The following ATP11A variants were observed in gnomAD, a reference collection of about 807,000 sequenced individuals.
The protein encoded by ATP11A is phospholipid-transporting ATPase IH.
ATP11A carries 81 observed loss-of-function variants against 154.4 expected under a neutral mutation model. The observed-to-expected ratio is 0.52, with a 90% confidence interval of 0.44 to 0.63. The LOEUF (loss-of-function observed/expected upper bound fraction) is 0.63, where lower values mean the gene tolerates loss of function less well. Ranked by LOEUF, ATP11A falls within the 30% of genes least tolerant of loss-of-function variation. The probability of loss-of-function intolerance (pLI) is 0.00; values close to 1 mark genes in which losing one functional copy is unlikely to be tolerated. For missense variants in ATP11A, 1,316 were observed against 1,474.3 expected, an observed-to-expected ratio of 0.89 and a Z score of 1.76; for synonymous variants, 623 against 585.9, an observed-to-expected ratio of 1.06 and a Z score of -0.91.
intron 1 of ATP11A, among the ~76,000 whole-genome samples, chr13:112,708,460 A>G (rs994831802): frequency 3.9e-5 from 6 of 152,246 alleles, no homozygotes; most frequent in Non-Finnish European, 7.3e-5. Flanking sequence ...CGTTAGACTC[A>G]TTTAAAAACC....
rs531749066 is a variant in ATP11A at position 112,697,727 on chromosome 13, GTTTTTTTTT to G, written c.39+7290_39+7298del. 0.29 allele frequency among the ~76,000 whole-genome samples: 36,516 copies of G among 126,508 alleles called. 6,000 individuals are homozygous for G. Among genetic ancestry groups the G allele is most frequent in the Middle Eastern group, 0.39 (90 of 230 alleles). The allele number at this position is 126,508 out of a possible 152,430, so 83.0% of individuals were successfully genotyped here. A position where few individuals can be genotyped will look rare whatever the true frequency, so the allele number is the denominator to read the frequency against. Reference sequence around the variant, plus strand: ...GGATTTGTGCCACGACGCCCGGCCAGTTTTTTTTTTTTTTTTTTTTTTTTTTAGTAGAGA... The same window carrying G: ...GGATTTGTGCCACGACGCCCGGCCAGTTTTTTTTTTTTTTTTTAGTAGAGA... On this transcript the variant is annotated intron_variant, in intron 1 of 29. Transcript: ENST00000375645. The surrounding 1 kb of genome is among the most constrained non-coding windows in gnomAD (Gnocchi z 4.0).
At chr13:112,857,720 A>T (rs186450889) in intron 20 of ATP11A, 98 bp from the exon 21 acceptor site, 14 of 981,708 alleles carry the variant, frequency 1.4e-5, no homozygotes, top group Non-Finnish European at 2.0e-5. Context: ...TTATTTGCCT[A>T]GGCTAACTTT....
intron 29 of ATP11A, chr13:112,880,444 C>A: frequency 9.6e-7 from 1 of 1,038,314 alleles, no homozygotes; most frequent in Non-Finnish European, 1.2e-6. Context: ...GGGCTTCGAG[C>A]CTCTTCCTGC....
At chr13:112,850,943 TA>T in intron 17 of ATP11A, 93 bp from the exon 18 acceptor site, 1 of 1,174,510 alleles carries the variant, frequency 8.5e-7, no homozygotes, top group Non-Finnish European at 1.2e-6. Context: ...TTAGTTAGTC[TA>T]ATGAGAGAAG....
In ATP11A at chr13:112,875,600, G is replaced by A. The variant is rs970807544; in HGVS notation, c.3162-176G>A. ...CCGTTCCTCTTACCCCAGCATTACC[G>A]GGAGGTTCAGTGTTCATTTTTTATA... is the stretch of plus-strand genomic sequence containing the variant. On this transcript the variant is annotated intron_variant, in intron 27 of 29. Transcript: ENST00000375645. The surrounding 1 kb of genome is among the most constrained non-coding windows in gnomAD (Gnocchi z 4.1). 7.3e-5 allele frequency among the ~76,000 whole-genome samples: 11 copies of A among 151,134 alleles called. No homozygotes were observed. Among genetic ancestry groups the A allele is most frequent in the Admixed American group, 1.3e-4 (2 of 15,206 alleles).
At chr13:112,831,965 A>C (rs2079102685) in intron 13 of ATP11A, among the ~76,000 whole-genome samples, 1 of 151,142 alleles carries the variant, frequency 6.6e-6, no homozygotes, top group African/African-American at 2.4e-5. Flanking sequence ...ACACACACTC[A>C]CACATGCCCA....
chr13:112,723,066 A>G (rs1243826168), intron 1 of ATP11A, among the ~76,000 whole-genome samples: 7 of 152,042 alleles, frequency 4.6e-5, no homozygotes, highest in Non-Finnish European at 8.8e-5. Flanking sequence ...AGTCAGCCAC[A>G]GGGTCAAAGA....
chr13:112,772,222 A>G (rs1404592208), intron 1 of ATP11A, among the ~76,000 whole-genome samples: 1 of 152,218 alleles, frequency 6.6e-6, no homozygotes, highest in Admixed American at 6.5e-5. Context: ...TATATACTAT[A>G]TATAAAAACT....
At position 112,875,946 on chromosome 13, in the gene ATP11A, G is replaced by T. The variant is rs556269532; in HGVS notation, c.3327+5G>T. ...ACAGCAACAGAGAGAGTCCAGGTAC[G>T]GAGTGTCCCCAGCCGGGGCGGGGGT... On this transcript the variant is annotated splice_donor_5th_base_variant and intron_variant, in intron 28 of 29. Transcript: ENST00000375645. The surrounding 1 kb of genome is among the most constrained non-coding windows in gnomAD (Gnocchi z 4.1). 1 of 1,606,404 alleles carries T rather than the reference G, an allele frequency of 6.2e-7. No homozygotes were observed.
chr13:112,787,244 T>A (rs1403253015), intron 2 of ATP11A, among the ~76,000 whole-genome samples: 1 of 132,226 alleles, frequency 7.6e-6, no homozygotes, highest in African/African-American at 3.6e-5. Context: ...ACCTACTTAA[T>A]TCACACCGGG....
At chr13:112,731,755 A>C (rs1403828327) in intron 1 of ATP11A, among the ~76,000 whole-genome samples, 1 of 152,082 alleles carries the variant, frequency 6.6e-6, no homozygotes, top group Non-Finnish European at 1.5e-5. Flanking sequence ...ACTTACAACA[A>C]CCTATGCTAC....
Position 112,858,144 on chromosome 13 carries a change from G to T in ATP11A, c.2522-1G>T. ...TCAGCTCCTTCACCTCCGTCTTCTA[G>T]GTGTCATCGGCAAGGAAGGCCGCCA... is the stretch of plus-strand genomic sequence containing the variant. On this transcript the variant is annotated splice_acceptor_variant, in intron 21 of 29. Transcript: ENST00000375645. LOFTEE classifies it high-confidence loss of function. 5.6e-6 allele frequency: 9 copies of T among 1,613,280 alleles called. No homozygotes were observed. The highest frequency in any genetic ancestry group is 7.6e-6 in the Non-Finnish European group (9 of 1,179,584).
chr13:112,783,173 A>T (rs1223118510), intron 1 of ATP11A, among the ~76,000 whole-genome samples: 3 of 152,116 alleles, frequency 2.0e-5, no homozygotes, highest in Admixed American at 6.5e-5. Context: ...TTCCTCTGAG[A>T]GGTTGGTAGG....
chr13:112,781,913 G>A (rs985266371), intron 1 of ATP11A, among the ~76,000 whole-genome samples: 6 of 152,084 alleles, frequency 3.9e-5, no homozygotes, highest in South Asian at 2.1e-4. Context: ...GGGTGAGGCC[G>A]TCTAAGTGAC....
At chr13:112,792,857 C>G (rs987496166) in intron 2 of ATP11A, among the ~76,000 whole-genome samples, 4 of 152,208 alleles carry the variant, frequency 2.6e-5, no homozygotes, top group Non-Finnish European at 4.4e-5. Flanking sequence ...TGGTTCCCAG[C>G]TTTGCCCACA....
intron 1 of ATP11A, among the ~76,000 whole-genome samples, chr13:112,727,288 C>G (rs1463645662): frequency 3.9e-5 from 6 of 152,186 alleles, no homozygotes; most frequent in African/African-American, 1.4e-4. Context: ...CTCAGGTGAT[C>G]TGCCCGCCTT....
At chr13:112,738,732 C>T (rs1047289036) in intron 1 of ATP11A, among the ~76,000 whole-genome samples, 11 of 150,760 alleles carry the variant, frequency 7.3e-5, no homozygotes, top group African/African-American at 2.4e-4. Context: ...CCCTCCTCCT[C>T]CCCCAGGTCC....
chr13:112,813,277 C>A (rs889944376), intron 5 of ATP11A, among the ~76,000 whole-genome samples: 1 of 152,162 alleles, frequency 6.6e-6, no homozygotes, highest in Non-Finnish European at 1.5e-5. Context: ...AGAAATAAAA[C>A]ACAGGCATCC....
intron 12 of ATP11A, among the ~76,000 whole-genome samples, chr13:112,830,561 G>A (rs1377290249): frequency 6.6e-6 from 1 of 152,168 alleles, no homozygotes. Context: ...GGGTGACAGG[G>A]TGAGACTCCG....
Sources: allele counts gnomAD v4.1 joint callset (sites outside exome capture counted in the v4.1 genomes callset), GRCh38; gene constraint gnomAD v4.1.1; non-coding constraint Gnocchi (gnomAD v3.1); transcripts MANE v1.5; gene names NCBI Gene and HGNC (gene_info 2026-07-23, HGNC 2026-07-21).